The following EHMT1 variants were observed in gnomAD, a reference collection of about 807,000 sequenced individuals.
The protein encoded by EHMT1 is euchromatic histone lysine methyltransferase 1.
A neutral mutation model predicts 147.2 loss-of-function variants in EHMT1; 15 were observed. The ratio of observed to expected loss-of-function variants is 0.10; its 90% CI spans 0.07 to 0.16. The LOEUF (loss-of-function observed/expected upper bound fraction) is 0.16. Ranked by LOEUF, EHMT1 falls within the 10% of genes least tolerant of loss-of-function variation. The probability of loss-of-function intolerance (pLI) is 1.00; values close to 1 mark genes in which losing one functional copy is unlikely to be tolerated. For synonymous variants in EHMT1, 795 were observed against 709.6 expected (o/e 1.12, Z -1.91); for missense variants, 1,587 against 1,772.4 (o/e 0.90, Z 1.88).
chr9:137,714,161 C>T (rs1344730286), intron 2 of EHMT1, among the ~76,000 whole-genome samples: 1 of 152,148 alleles, frequency 6.6e-6, no homozygotes, highest in African/African-American at 2.4e-5. Flanking sequence ...TACTTCGAAT[C>T]TCTAGTACAG....
rs202097707 is a variant in EHMT1, at chr9:137,757,912, G to A, written c.1402G>A (p.Ala468Thr). The A allele has an allele frequency of 1.4e-4, 221 of 1,613,962 alleles. 1 individual carries two copies. The highest frequency in any genetic ancestry group is 1.8e-4 in the Non-Finnish European group (207 of 1,180,034). Residue 468 changes from alanine (A) to threonine (T), a missense_variant, in exon 9 of 27, where the codon GCT (alanine) becomes ACT (threonine). By Grantham distance (58) the Ala-to-Thr change is moderately conservative. Coordinates refer to ENST00000460843, the MANE Select transcript of EHMT1 (RefSeq NM_024757.5). ...SESYKSSAGS[A>T]EQTAPGDSTG... ...GTCGTATAAGTCATCTGCAGGAAGC[G>A]CTGAGCAGACGGCACCAGGAGACAG...
intron 10 of EHMT1, among the ~76,000 whole-genome samples, chr9:137,769,796 A>C (rs1206531506): frequency 2.6e-5 from 4 of 152,052 alleles, no homozygotes; most frequent in African/African-American, 9.7e-5. Context: ...TATGTTTAAG[A>C]AATTCTTAGC....
chr9:137,822,617 G>A (rs1369077383), intron 25 of EHMT1, among the ~76,000 whole-genome samples: 5 of 152,090 alleles, frequency 3.3e-5, no homozygotes, highest in African/African-American at 7.2e-5. Context: ...AGTTTGGGCC[G>A]GGCGCAGTGG....
intron 1 of EHMT1, among the ~76,000 whole-genome samples, chr9:137,625,241 G>C (rs933880412): frequency 6.6e-6 from 1 of 152,142 alleles, no homozygotes; most frequent in Non-Finnish European, 1.5e-5. Context: ...CTTTAGGATC[G>C]TTGCATCCGT....
At chr9:137,689,319 A>G (rs1034203614) in intron 1 of EHMT1, among the ~76,000 whole-genome samples, 9 of 152,172 alleles carry the variant, frequency 5.9e-5, no homozygotes, top group African/African-American at 2.2e-4. Context: ...TTCATAGATA[A>G]TTGAGCTGTG....
At chr9:137,812,593 C>T (rs997843873) in intron 19 of EHMT1, among the ~76,000 whole-genome samples, 2 of 152,252 alleles carry the variant, frequency 1.3e-5, no homozygotes, top group Non-Finnish European at 2.9e-5. Flanking sequence ...GCTCCACGTA[C>T]GATGACTGCA....
intron 1 of EHMT1, among the ~76,000 whole-genome samples, chr9:137,622,320 A>G (rs2133435453): frequency 6.6e-6 from 1 of 152,006 alleles, no homozygotes; most frequent in East Asian, 1.9e-4. Flanking sequence ...GGGTTTCACC[A>G]TGTTGGCCAG....
intron 1 of EHMT1, among the ~76,000 whole-genome samples, chr9:137,624,000 CTTTTT>C (rs34882647): frequency 3.0e-5 from 4 of 131,550 alleles, no homozygotes; most frequent in Admixed American, 7.9e-5. Flanking sequence ...TTCTTTCTTT[CTTTTT>C]TTTTTTTTTT....
At chr9:137,769,605 C>T (rs904532385) in intron 10 of EHMT1, among the ~76,000 whole-genome samples, 1 of 151,950 alleles carries the variant, frequency 6.6e-6, no homozygotes, top group African/African-American at 2.4e-5. Context: ...GAACTTGCCT[C>T]TGTTCCTTTG....
rs933509642 is a variant in EHMT1 at position 137,820,438 on chromosome 9, TTCTC to T, written c.3540+2304_3540+2307del. On this transcript the variant is annotated intron_variant, in intron 25 of 26. Coordinates refer to ENST00000460843, the MANE Select transcript of EHMT1 (RefSeq NM_024757.5). ...ACTCGTGTGTGCCACAGATGTCGCC[TTCTC>T]TCTATGACTTTTTCATTTCCTAATG... is the stretch of plus-strand genomic sequence containing the variant. Among the ~76,000 whole-genome samples, 9 of 152,262 alleles carry T rather than the reference TTCTC, an allele frequency of 5.9e-5. 2 individuals carry two copies. The East Asian group carries it at 1.5e-3, about 26-fold the overall frequency.
chr9:137,621,877 C>T (rs1023265688), intron 1 of EHMT1, among the ~76,000 whole-genome samples: 22 of 150,746 alleles, frequency 1.5e-4, no homozygotes, highest in African/African-American at 2.2e-4. Context: ...CAGGCACGTG[C>T]GCATAATTTA....
chr9:137,753,427 C>T (rs914751763), intron 7 of EHMT1, among the ~76,000 whole-genome samples: 1 of 152,200 alleles, frequency 6.6e-6, no homozygotes, highest in African/African-American at 2.4e-5. Context: ...GCGGGGAGCA[C>T]AGGGGAGCCG....
intron 25 of EHMT1, chr9:137,823,532 C>T (rs1340023506): frequency 3.6e-6 from 1 of 280,676 alleles, no homozygotes; most frequent in Non-Finnish European, 7.1e-6. Flanking sequence ...CTGCCTCAGC[C>T]TCCCAAGTAG....
At chr9:137,643,228 C>T (rs1844621847) in intron 1 of EHMT1, among the ~76,000 whole-genome samples, 1 of 151,394 alleles carries the variant, frequency 6.6e-6, no homozygotes. Flanking sequence ...GTCTAGTGTC[C>T]TTTCATTTAT....
chr9:137,672,299 T>TTG, intron 1 of EHMT1, among the ~76,000 whole-genome samples: 1 of 152,342 alleles, frequency 6.6e-6, no homozygotes, highest in East Asian at 1.9e-4. Context: ...ACAGGAGGTT[T>TTG]TGACAAATGG....
intron 4 of EHMT1, among the ~76,000 whole-genome samples, chr9:137,737,638 C>CA (rs907015104): frequency 1.3e-4 from 20 of 150,620 alleles, no homozygotes; most frequent in Middle Eastern, 3.2e-3. Context: ...GTGTAGGTAA[C>CA]AAAAAAAAAG....
intron 1 of EHMT1, among the ~76,000 whole-genome samples, chr9:137,636,986 C>T (rs1045173400): frequency 6.6e-6 from 1 of 150,934 alleles, no homozygotes; most frequent in Admixed American, 6.6e-5. Context: ...CAAGCTCTGC[C>T]TCCTGGGTTC....
At chr9:137,660,236 G>T (rs1938939478) in intron 1 of EHMT1, among the ~76,000 whole-genome samples, 1 of 151,972 alleles carries the variant, frequency 6.6e-6, no homozygotes, top group Non-Finnish European at 1.5e-5. Flanking sequence ...TAAGGCTGAG[G>T]TGGGAGGATG....
chr9:137,795,101 T>C (rs1952798419), intron 16 of EHMT1: 1 of 152,170 alleles, frequency 6.6e-6, no homozygotes, highest in Admixed American at 6.6e-5. Context: ...ATGCGACTTC[T>C]TCAAGCATTG....
Sources: gnomAD v4.1 joint callset for allele counts (sites outside exome capture counted in the v4.1 genomes callset) on GRCh38, gnomAD v4.1.1 for gene constraint, MANE v1.5 for transcripts, NCBI Gene and HGNC (gene_info 2026-07-23, HGNC 2026-07-21) for gene names.